The following SLC12A5 variants were observed in gnomAD, a reference collection of about 807,000 sequenced individuals.
The protein encoded by SLC12A5 is K-Cl cotransporter 2.
Under a neutral mutation model 124.0 loss-of-function variants are expected in SLC12A5, and 18 were observed. That is an observed-to-expected ratio of 0.15 (90% CI 0.10 to 0.22). The LOEUF is 0.22. Among genes scored for constraint, SLC12A5 ranks in the 10% least tolerant of loss-of-function variants. SLC12A5 has a pLI of 1.00. For missense variants in SLC12A5, 867 were observed against 1,478.7 expected, an observed-to-expected ratio of 0.59 and a Z score of 6.78; for synonymous variants, 589 against 568.0, an observed-to-expected ratio of 1.04 and a Z score of -0.53.
At chr20:46,030,644 C>T (rs2084441205) in intron 1 of SLC12A5, among the ~76,000 whole-genome samples, 1 of 152,222 alleles carries the variant, frequency 6.6e-6, no homozygotes, top group African/African-American at 2.4e-5. Context: ...CCTAGACTCC[C>T]GCAGATCCCT....
At chr20:46,046,768 C>T (rs1429342492) in intron 14 of SLC12A5, among the ~76,000 whole-genome samples, 1 of 152,198 alleles carries the variant, frequency 6.6e-6, no homozygotes, top group Non-Finnish European at 1.5e-5. Context: ...GCTGTGAGAT[C>T]TTGGGCTGAT....
At chr20:46,048,687 A>G (rs373090875) in intron 16 of SLC12A5, among the ~76,000 whole-genome samples, 6 of 152,096 alleles carry the variant, frequency 3.9e-5, no homozygotes, top group African/African-American at 1.2e-4. Context: ...CCTGGACAAC[A>G]TGGCGAGACC....
chr20:46,058,935 A>AG lies in SLC12A5; in HGVS notation c.*1333dup. 1 of 393,258 alleles carries AG rather than the reference A, an allele frequency of 2.5e-6. No individual in the cohort carries two copies. Among genetic ancestry groups the AG allele is most frequent in the Non-Finnish European group, 4.5e-6 (1 of 223,208 alleles). The allele number at this position is 393,258 out of a possible 1,614,324, so 24.4% of individuals were successfully genotyped here. On this transcript the variant is annotated 3_prime_UTR_variant, in exon 26 of 26. Transcript: ENST00000243964. This position sits in a 1 kb window ranked among gnomAD's most constrained non-coding sequence, Gnocchi z 5.8. ...TCCGTCTCCCGGGGACCTGGGCCTG[A>AG]GGGAGGGCTGGAGTCGCACGCGCTT...
At position 46,029,410 on chromosome 20, in the gene SLC12A5, C is replaced by G; in HGVS notation, c.52+14C>G. On this transcript the variant is annotated intron_variant, in intron 1 of 25. Coordinates refer to ENST00000243964, the MANE Select transcript of SLC12A5 (RefSeq NM_020708.5). ...GAGCCAACCCGGGTAAGCTGTGGTCCGGGGGCGGCGGGGGAGGGGGCAGCG... is the reference window on the plus strand; with the variant it reads ...GAGCCAACCCGGGTAAGCTGTGGTCGGGGGGCGGCGGGGGAGGGGGCAGCG... The G allele has an allele frequency of 6.6e-7, 1 of 1,505,428 alleles. No individual in the cohort carries two copies. 93.3% of individuals were successfully genotyped at this position (1,505,428 alleles called of 1,614,324 possible). A position where few individuals can be genotyped will look rare whatever the true frequency, so the allele number is the denominator to read the frequency against.
At chr20:46,039,236 A>T (rs1322225082) in intron 6 of SLC12A5, among the ~76,000 whole-genome samples, 1 of 152,192 alleles carries the variant, frequency 6.6e-6, no homozygotes, top group Non-Finnish European at 1.5e-5. Context: ...AATATTTAGC[A>T]TGGGAATTTT....
chr20:46,031,977 G>C (rs1246815082), intron 1 of SLC12A5, among the ~76,000 whole-genome samples: 1 of 152,238 alleles, frequency 6.6e-6, no homozygotes, highest in African/African-American at 2.4e-5. Flanking sequence ...CGTTCAGGGA[G>C]GGGACGAAAT....
rs747468488 is a variant in SLC12A5 at position 46,049,694 on chromosome 20, C to T, written c.2085C>T (p.Thr695=). ...NVVHPQLLSL[T]SQLKAGKGLT... The stretch of plus-strand genomic sequence containing the variant: ...TGCACCCCCAGCTGCTCTCACTGAC[C>T]TCCCAGCTGAAGGCGGGGAAGGGCC... Residue 695 remains threonine (T), a synonymous_variant, in exon 17 of 26, where the codon ACC becomes ACT. Coordinates refer to ENST00000243964, the MANE Select transcript of SLC12A5 (RefSeq NM_020708.5). 13 of 1,606,780 alleles carry T rather than the reference C, an allele frequency of 8.1e-6. No individual in the cohort carries two copies. In the South Asian group the frequency reaches 9.0e-5, roughly 11 times the overall value.
At position 46,029,379 on chromosome 20, in the gene SLC12A5, A is replaced by T. The variant is rs2084424573; in HGVS notation, c.35A>T (p.Asp12Val). 1 of 1,514,884 alleles carries T rather than the reference A, an allele frequency of 6.6e-7. No homozygotes were observed. Among genetic ancestry groups the T allele is most frequent in the Admixed American group, 2.0e-5 (1 of 49,784 alleles). 93.8% of individuals were successfully genotyped at this position (1,514,884 alleles called of 1,614,324 possible). The change falls in exon 1 of 26, where the codon GAT (aspartate) becomes GTT (valine). Residue 12 changes from aspartate (D) to valine (V), a missense_variant. Asp to Val is a radical substitution (Grantham distance 152). This residue lies in a region of SLC12A5 where 58 missense variants were observed against 52.2 expected (regional missense o/e 1.11). Transcript: ENST00000243964. ...LNNLTDCEDG[D>V]GGANPGDGNP... is the part of the protein sequence containing the mutation. Reference sequence around the variant, plus strand: ...AACCTGACGGACTGCGAGGACGGCGATGGGGGAGCCAACCCGGGTAAGCTG... The same window carrying T: ...AACCTGACGGACTGCGAGGACGGCGTTGGGGGAGCCAACCCGGGTAAGCTG...
chr20:46,034,356 C>A (rs888673088), intron 1 of SLC12A5, among the ~76,000 whole-genome samples: 18 of 152,294 alleles, frequency 1.2e-4, no homozygotes, highest in Middle Eastern at 3.4e-3. Flanking sequence ...ATTGACCATG[C>A]CAGATTGGAA....
At position 46,047,663 on chromosome 20, in the gene SLC12A5, T is replaced by TG. The variant is rs2084608303; in HGVS notation, c.1907+95dup. The TG allele has an allele frequency of 9.9e-6, 14 of 1,413,494 alleles. No individual in the cohort carries two copies. The East Asian group carries it at 1.7e-4, about 17-fold the overall frequency. 87.6% of individuals were successfully genotyped at this position (1,413,494 alleles called of 1,614,324 possible). ...AAGGGGTCATGAGGGATTGGGGTGG[T>TG]GGGGGTGAGATGAAGCAGGGAGTGG... is the stretch of plus-strand genomic sequence containing the variant. On this transcript the variant is annotated intron_variant, in intron 15 of 25. Coordinates refer to ENST00000243964, the MANE Select transcript of SLC12A5 (RefSeq NM_020708.5).
At chr20:46,030,720 G>T (rs2084441980) in intron 1 of SLC12A5, among the ~76,000 whole-genome samples, 1 of 152,116 alleles carries the variant, frequency 6.6e-6, no homozygotes, top group African/African-American at 2.4e-5. Flanking sequence ...TGACTCTGAG[G>T]TCCTCCGGAT....
chr20:46,032,966 A>G (rs2084466703), intron 1 of SLC12A5, among the ~76,000 whole-genome samples: 1 of 152,204 alleles, frequency 6.6e-6, no homozygotes, highest in African/African-American at 2.4e-5. Context: ...TCTTATTCCC[A>G]GGAACTCACA....
intron 8 of SLC12A5, 118 bp from the exon 9 acceptor site, chr20:46,043,035 G>C: frequency 1.4e-5 from 14 of 969,660 alleles, no homozygotes; most frequent in Non-Finnish European, 2.2e-5. Flanking sequence ...AGATAAGGCC[G>C]GGGAGAGTGA....
exon 1 of SLC12A5, chr20:46,021,846 G>C (rs1351808346): frequency 6.5e-7 from 1 of 1,532,592 alleles, no homozygotes; most frequent in African/African-American, 1.4e-5. Context: ...GCCGGCATTC[G>C]GTCGCAGACC....
Position 46,057,047 on chromosome 20 carries a change from T to C in SLC12A5, c.3126-123T>C, listed in dbSNP as rs1444694199. The C allele has an allele frequency of 1.3e-6, 2 of 1,586,090 alleles. No individual in the cohort carries two copies. The highest frequency in any genetic ancestry group is 1.7e-5 in the Admixed American group (1 of 59,030). ...TAGCCTAGCCTGGAGATGTTTAGGA[T>C]TGGTGGTCCTAGGCTTGCAAGAACC... On this transcript the variant is annotated intron_variant, in intron 24 of 25. Coordinates refer to ENST00000243964, the MANE Select transcript of SLC12A5 (RefSeq NM_020708.5). The surrounding 1 kb of genome is among the most constrained non-coding windows in gnomAD (Gnocchi z 7.1).
In SLC12A5 at chr20:46,045,584, T is replaced by C. The variant is rs2058183329; in HGVS notation, c.1570-294T>C. ...AAAAGACGGATGGAGCACAGGGTCG[T>C]GGTGGCTTGCTGGCTTCCTGACAGC... On this transcript the variant is annotated intron_variant, in intron 12 of 25. Coordinates refer to ENST00000243964, the MANE Select transcript of SLC12A5 (RefSeq NM_020708.5). The surrounding 1 kb of genome is among the most constrained non-coding windows in gnomAD (Gnocchi z 4.9). Among the ~76,000 whole-genome samples the C allele has an allele frequency of 6.6e-6, 1 of 151,718 alleles. No homozygotes were observed. Among genetic ancestry groups the C allele is most frequent in the African/African-American group, 2.4e-5 (1 of 41,304 alleles).
At chr20:46,034,375 C>A (rs2084478978) in intron 1 of SLC12A5, among the ~76,000 whole-genome samples, 1 of 152,222 alleles carries the variant, frequency 6.6e-6, no homozygotes, top group African/African-American at 2.4e-5. Flanking sequence ...AAATTCCTGG[C>A]TACTGGTTTG....
chr20:46,043,975 G>A (rs376419836), intron 11 of SLC12A5, 42 bp downstream of exon 11: 49 of 1,530,814 alleles, frequency 3.2e-5, no homozygotes, highest in Non-Finnish European at 9.8e-6. Flanking sequence ...GGAGGGGTGG[G>A]TATAGAAGGC....
rs533131496 is a variant in SLC12A5, at chr20:46,053,196, G to A, written c.2547+70G>A. 21 of 1,508,844 alleles carry A rather than the reference G, an allele frequency of 1.4e-5. No individual in the cohort carries two copies. In the African/African-American group the frequency reaches 1.6e-4, roughly 12 times the overall value. The allele number at this position is 1,508,844 out of a possible 1,614,324, so 93.5% of individuals were successfully genotyped here. A position where few individuals can be genotyped will look rare whatever the true frequency, so the allele number is the denominator to read the frequency against. Reference sequence around the variant, plus strand: ...CATGTATGCATTTGTGTGCATATGTGCACAACTGCAGGTCAGACTCAGGGG... The same window carrying A: ...CATGTATGCATTTGTGTGCATATGTACACAACTGCAGGTCAGACTCAGGGG... On this transcript the variant is annotated intron_variant, in intron 19 of 25. Coordinates refer to ENST00000243964, the MANE Select transcript of SLC12A5 (RefSeq NM_020708.5). This position sits in a 1 kb window ranked among gnomAD's most constrained non-coding sequence, Gnocchi z 4.7.
Sources: allele counts gnomAD v4.1 joint callset (sites outside exome capture counted in the v4.1 genomes callset), GRCh38; gene constraint gnomAD v4.1.1; regional missense constraint gnomAD v4.1.1; non-coding constraint Gnocchi (gnomAD v3.1); transcripts MANE v1.5; gene names NCBI Gene and HGNC (gene_info 2026-07-23, HGNC 2026-07-21).